Variants in TMEM127 observed in about 807,000 individuals in gnomAD.
The protein encoded by TMEM127 is transmembrane protein 127.
In TMEM127, 21 loss-of-function variants were observed where a neutral mutation model predicts 20.1. The observed-to-expected ratio is 1.04, with a 90% CI of 0.74 to 1.50. The LOEUF is 1.50. Among genes scored for constraint, TMEM127 ranks in the 40% most tolerant of loss-of-function variants. TMEM127 has a pLI of 0.00. For missense variants in TMEM127, 303 were observed against 317.4 expected, an observed-to-expected ratio of 0.95 and a Z score of 0.34; for synonymous variants, 150 against 144.7, an observed-to-expected ratio of 1.04 and a Z score of -0.26.
In TMEM127 at chr2:96,253,951, C is replaced by T. The variant is rs2104283930; in HGVS notation, c.574G>A (p.Ala192Thr). The T allele has an allele frequency of 1.2e-6, 2 of 1,614,150 alleles. No homozygotes were observed. The highest frequency in any genetic ancestry group is 1.1e-5 in the South Asian group (1 of 91,080). Residue 192 changes from alanine (A) to threonine (T), a missense_variant, in exon 4 of 4, where the codon GCA becomes ACA. Physicochemically the swap from Ala to Thr is moderately conservative, Grantham distance 58. Coordinates refer to ENST00000258439, the MANE Select transcript of TMEM127 (RefSeq NM_017849.4). The surrounding 1 kb of genome is among the most constrained non-coding windows in gnomAD (Gnocchi z 4.3). ...GAGGASILAT[A>T]ANLLRHYPTE... ...GGGTAGTGGCGCAGGAGGTTGGCTG[C>T]CGTGGCCAGGATTGAGGCTCCACCA...
Position 96,253,584 on chromosome 2 carries a change from G to A in TMEM127, c.*224C>T. On this transcript the variant is annotated 3_prime_UTR_variant, in exon 4 of 4. Coordinates refer to ENST00000258439, the MANE Select transcript of TMEM127 (RefSeq NM_017849.4). This position sits in a 1 kb window ranked among gnomAD's most constrained non-coding sequence, Gnocchi z 4.3. ...CTCGTGAATGTGAAGGGGGCAGGAT[G>A]TGGCAGGAGGGAAAGAGTACATTAT... 1 of 571,202 alleles carries A rather than the reference G, an allele frequency of 1.8e-6. No homozygotes were observed. Among genetic ancestry groups the A allele is most frequent in the Non-Finnish European group, 3.1e-6 (1 of 324,114 alleles). 35.4% of individuals were successfully genotyped at this position (571,202 alleles called of 1,614,324 possible). A position where few individuals can be genotyped will look rare whatever the true frequency, so the allele number is the denominator to read the frequency against.
At position 96,265,317 on chromosome 2, in the gene TMEM127, G is replaced by A. The variant is rs1573977937; in HGVS notation, c.65C>T (p.Ala22Val). 1 of 1,534,036 alleles carries A rather than the reference G, an allele frequency of 6.5e-7. No homozygotes were observed. The highest frequency in any genetic ancestry group is 8.7e-7 in the Non-Finnish European group (1 of 1,145,426). ...GRRRRSPGGSALPKQPERSLA... is the reference protein window; with the variant it reads ...GRRRRSPGGSVLPKQPERSLA... ...GCTACGCTCCGGCTGCTTGGGCAGA[G>A]CGCTGCCTCCCGGGCTCCTCCGCCG... The change falls in exon 2 of 4, where the codon GCT becomes GTT. Residue 22 changes from alanine to valine, a missense_variant. Transcript: ENST00000258439.
chr2:96,264,179 T>C (rs752633605), intron 2 of TMEM127, among the ~76,000 whole-genome samples: 1 of 152,218 alleles, frequency 6.6e-6, no homozygotes, highest in Non-Finnish European at 1.5e-5. Flanking sequence ...TATGGTCCGA[T>C]GCACAGCGGG....
Position 96,253,332 on chromosome 2 carries a change from C to T in TMEM127, c.*476G>A. ...GAGCAGGTGGCCTGGGGGCGGGTCACTCCGAGAAGGAAGGGGTCTGGGGGG... is the reference window on the plus strand; with the variant it reads ...GAGCAGGTGGCCTGGGGGCGGGTCATTCCGAGAAGGAAGGGGTCTGGGGGG... On this transcript the variant is annotated 3_prime_UTR_variant, in exon 4 of 4. Transcript: ENST00000258439. This position sits in a 1 kb window ranked among gnomAD's most constrained non-coding sequence, Gnocchi z 4.3. The T allele has an allele frequency of 8.2e-6, 2 of 244,310 alleles. No homozygotes were observed. The highest frequency in any genetic ancestry group is 5.1e-5 in the Admixed American group (1 of 19,710). The allele number at this position is 244,310 out of a possible 1,614,324, so 15.1% of individuals were successfully genotyped here.
chr2:96,250,537 T>C lies in TMEM127; in HGVS notation c.*3271A>G, dbSNP rs569110562. On this transcript the variant is annotated 3_prime_UTR_variant, in exon 4 of 4. Transcript: ENST00000258439. ...TATTTCATGGTGCCTAATGGTGCTTTGTCTGAATGGACATGAAATGAGAAC... is the reference window on the plus strand; with the variant it reads ...TATTTCATGGTGCCTAATGGTGCTTCGTCTGAATGGACATGAAATGAGAAC... 8.6e-5 allele frequency: 20 copies of C among 232,630 alleles called. No individual in the cohort carries two copies. The highest frequency in any genetic ancestry group is 7.2e-4 in the South Asian group (4 of 5,532). 14.4% of individuals were successfully genotyped at this position (232,630 alleles called of 1,614,324 possible).
intron 2 of TMEM127, among the ~76,000 whole-genome samples, chr2:96,259,893 A>T (rs1684280838): frequency 6.6e-6 from 1 of 152,206 alleles, no homozygotes; most frequent in Non-Finnish European, 1.5e-5. Flanking sequence ...CCAGTGTGTC[A>T]CCTCAGCATG....
In TMEM127 at chr2:96,253,666, CAG is replaced by C; in HGVS notation, c.*140_*141del. 1 of 909,586 alleles carries C rather than the reference CAG, an allele frequency of 1.1e-6. No homozygotes were observed. The highest frequency in any genetic ancestry group is 1.6e-6 in the Non-Finnish European group (1 of 612,428). 56.3% of individuals were successfully genotyped at this position (909,586 alleles called of 1,614,324 possible). A position where few individuals can be genotyped will look rare whatever the true frequency, so the allele number is the denominator to read the frequency against. ...AGGGATACTTGGATGACCCTAAAGG[CAG>C]AGTCTCTCCTGGGGAAGGTTTGGAG... On this transcript the variant is annotated 3_prime_UTR_variant, in exon 4 of 4. Transcript: ENST00000258439. This position sits in a 1 kb window ranked among gnomAD's most constrained non-coding sequence, Gnocchi z 4.3.
intron 2 of TMEM127, among the ~76,000 whole-genome samples, chr2:96,257,553 T>C (rs565757322): frequency 1.8e-4 from 28 of 152,134 alleles, no homozygotes; most frequent in African/African-American, 6.3e-4. Context: ...CCCAGAAGCA[T>C]AGGGTAGAAT....
chr2:96,265,539 G>A (rs1043779078), intron 1 of TMEM127, 27 bp from the exon 2 acceptor site: 4 of 1,006,674 alleles, frequency 4.0e-6, no homozygotes, highest in African/African-American at 3.4e-5. Context: ...CAGAGGATAG[G>A]GGGGTGGGAC....
At chr2:96,256,337 C>T (rs1684203623) in intron 2 of TMEM127, among the ~76,000 whole-genome samples, 3 of 150,990 alleles carry the variant, frequency 2.0e-5, no homozygotes, top group Admixed American at 1.3e-4. Context: ...TTTGGGAGGC[C>T]AAGGCGGGCA....
intron 2 of TMEM127, among the ~76,000 whole-genome samples, chr2:96,260,911 G>C (rs1441706921): frequency 6.6e-6 from 1 of 152,188 alleles, no homozygotes; most frequent in Non-Finnish European, 1.5e-5. Flanking sequence ...TGCCCAGCCA[G>C]GTTATCCCAC....
chr2:96,260,041 A>G (rs903558253), intron 2 of TMEM127, among the ~76,000 whole-genome samples: 14 of 152,238 alleles, frequency 9.2e-5, no homozygotes, highest in African/African-American at 3.4e-4. Flanking sequence ...TAAAACTCCA[A>G]TAGGTTTTGT....
intron 2 of TMEM127, among the ~76,000 whole-genome samples, chr2:96,257,473 CAAAACAAA>C (rs1012465380): frequency 3.3e-5 from 5 of 151,764 alleles, no homozygotes; most frequent in African/African-American, 1.2e-4. Flanking sequence ...AAACAAAAAA[CAAAACAAA>C]AAAACAAAAA....
chr2:96,260,312 G>A (rs943994868), intron 2 of TMEM127, among the ~76,000 whole-genome samples: 21 of 152,124 alleles, frequency 1.4e-4, no homozygotes, highest in African/African-American at 4.3e-4. Flanking sequence ...CCTAGACGTC[G>A]GTACAGCAGG....
intron 2 of TMEM127, among the ~76,000 whole-genome samples, chr2:96,259,253 A>G (rs904936406): frequency 1.3e-5 from 2 of 152,220 alleles, no homozygotes; most frequent in Non-Finnish European, 2.9e-5. Context: ...CACAGCTCAG[A>G]TGAGGAGTCG....
chr2:96,256,181 G>A (rs181231562), intron 2 of TMEM127, among the ~76,000 whole-genome samples: 3 of 151,350 alleles, frequency 2.0e-5, no homozygotes, highest in Non-Finnish European at 4.4e-5. Context: ...TGAGGCAGAA[G>A]AATTGCTTGA....
chr2:96,265,105 G>A (rs1573977516), intron 2 of TMEM127, 33 bp downstream of exon 2: 3 of 1,610,990 alleles, frequency 1.9e-6, no homozygotes, highest in East Asian at 2.2e-5. Flanking sequence ...GTCCCCCACC[G>A]AGGCTTTAAG....
intron 2 of TMEM127, among the ~76,000 whole-genome samples, chr2:96,261,822 A>C (rs1684316209): frequency 6.6e-6 from 1 of 152,140 alleles, no homozygotes; most frequent in African/African-American, 2.4e-5. Context: ...AGGAGGAAAA[A>C]AGCAGGCATG....
intron 3 of TMEM127, 139 bp downstream of exon 3, chr2:96,254,694 T>C: frequency 2.6e-6 from 3 of 1,158,832 alleles, no homozygotes; most frequent in Non-Finnish European, 3.9e-6. Context: ...CCTGACACTC[T>C]GGGAAAGACT....
Sources: allele counts gnomAD v4.1 joint callset (sites outside exome capture counted in the v4.1 genomes callset), GRCh38; gene constraint gnomAD v4.1.1; non-coding constraint Gnocchi (gnomAD v3.1); transcripts MANE v1.5; gene names NCBI Gene and HGNC (gene_info 2026-07-23, HGNC 2026-07-21).